The following NLK variants were observed in gnomAD, a reference collection of about 807,000 sequenced individuals.
NLK encodes nemo like kinase.
Under a neutral mutation model 59.0 loss-of-function variants are expected in NLK, and 11 were observed. The ratio of observed to expected loss-of-function variants is 0.19; its 90% CI spans 0.12 to 0.31. NLK has a LOEUF of 0.31. Ranked by LOEUF, NLK falls within the 10% of genes least tolerant of loss-of-function variation. NLK has a pLI of 1.00. For missense variants in NLK, 410 were observed against 661.1 expected, an observed-to-expected ratio of 0.62 and a Z score of 4.16; for synonymous variants, 235 against 235.9, an observed-to-expected ratio of 1.00 and a Z score of 0.03.
chr17:28,143,512 A>G (rs1362066333), intron 3 of NLK, among the ~76,000 whole-genome samples: 2 of 152,242 alleles, frequency 1.3e-5, no homozygotes, highest in Non-Finnish European at 1.5e-5. Context: ...GAAATAGTAA[A>G]GAGAGTTTAG....
chr17:28,110,431 G>T (rs571938340), intron 1 of NLK, among the ~76,000 whole-genome samples: 4 of 148,472 alleles, frequency 2.7e-5, no homozygotes, highest in Admixed American at 2.7e-4. Flanking sequence ...ATTGATGTTT[G>T]ACTATGAATT....
intron 1 of NLK, among the ~76,000 whole-genome samples, chr17:28,055,592 ACCTCAG>A (rs1444477588): frequency 6.6e-6 from 1 of 151,830 alleles, no homozygotes; most frequent in Non-Finnish European, 1.5e-5. Flanking sequence ...CAGTTCTCCC[ACCTCAG>A]CCTCCCAAGT....
At position 28,185,167 on chromosome 17, in the gene NLK, A is replaced by AT. The variant is rs1567740521; in HGVS notation, c.1150-6dup. ...ACTCACTTAAATATTTGAATTTTTA[A>AT]TTTTTTCACAGCCATCTCTTCCTGT... is the stretch of plus-strand genomic sequence containing the variant. On this transcript the variant is annotated splice_polypyrimidine_tract_variant and intron_variant, in intron 7 of 10. Transcript: ENST00000407008. 1 of 1,516,344 alleles carries AT rather than the reference A, an allele frequency of 6.6e-7. No homozygotes were observed. Among genetic ancestry groups the AT allele is most frequent in the African/African-American group, 1.4e-5 (1 of 71,832 alleles). The allele number at this position is 1,516,344 out of a possible 1,614,324, so 93.9% of individuals were successfully genotyped here.
At chr17:28,175,479 A>G (rs931570102) in intron 7 of NLK, among the ~76,000 whole-genome samples, 1 of 152,034 alleles carries the variant, frequency 6.6e-6, no homozygotes, top group African/African-American at 2.4e-5. Flanking sequence ...TGTAGTGTCA[A>G]TCTCAGTTTC....
chr17:28,046,774 T>A (rs1007645033), intron 1 of NLK, among the ~76,000 whole-genome samples: 2 of 152,154 alleles, frequency 1.3e-5, no homozygotes, highest in Non-Finnish European at 2.9e-5. Context: ...GTTTTTGACA[T>A]TGGCAACTTA....
chr17:28,101,262 G>A (rs914690206), intron 1 of NLK, among the ~76,000 whole-genome samples: 2 of 152,072 alleles, frequency 1.3e-5, no homozygotes, highest in African/African-American at 4.8e-5. Context: ...TAGGTCCTTT[G>A]TCTTTACATA....
At chr17:28,132,529 A>G (rs1307411384) in intron 2 of NLK, 91 bp from the exon 3 acceptor site, 36 of 919,556 alleles carry the variant, frequency 3.9e-5, no homozygotes, top group Non-Finnish European at 6.2e-5. Context: ...GCTTTAAAGC[A>G]TTAAAGAGTT....
chr17:28,109,096 G>T lies in NLK; in HGVS notation c.459-13507G>T, dbSNP rs191044040. ...TGAGGCAGGAGAATGGCATGAACCT[G>T]GGAGGCGGAGCTTGCAGTGAGCCAA... On this transcript the variant is annotated intron_variant, in intron 1 of 10. Coordinates refer to ENST00000407008, the MANE Select transcript of NLK (RefSeq NM_016231.5). 2.5e-3 allele frequency among the ~76,000 whole-genome samples: 383 copies of T among 152,216 alleles called. 5 individuals are homozygous for T. Among genetic ancestry groups the T allele is most frequent in the African/African-American group, 8.6e-3 (355 of 41,512 alleles).
intron 1 of NLK, among the ~76,000 whole-genome samples, chr17:28,121,789 G>A (rs1906073818): frequency 6.6e-6 from 1 of 152,030 alleles, no homozygotes; most frequent in Admixed American, 6.6e-5. Context: ...ATGAGCCACT[G>A]AGCCTGGCCT....
intron 1 of NLK, among the ~76,000 whole-genome samples, chr17:28,043,556 A>G (rs1325067373): frequency 3.3e-5 from 5 of 152,212 alleles, no homozygotes; most frequent in Non-Finnish European, 5.9e-5. Flanking sequence ...AACACACATA[A>G]GTGTGCTGTC....
intron 1 of NLK, among the ~76,000 whole-genome samples, chr17:28,062,675 G>A (rs1233698508): frequency 6.6e-6 from 1 of 152,026 alleles, no homozygotes; most frequent in Non-Finnish European, 1.5e-5. Context: ...CTGCCTCCCG[G>A]GTTCAAGCGA....
At chr17:28,050,007 G>A (rs1909193289) in intron 1 of NLK, among the ~76,000 whole-genome samples, 1 of 152,128 alleles carries the variant, frequency 6.6e-6, no homozygotes, top group Non-Finnish European at 1.5e-5. Flanking sequence ...ATTTTCACTT[G>A]TTCTTACAAT....
chr17:28,151,974 T>C lies in NLK; in HGVS notation c.645-9186T>C, dbSNP rs1475271116. The stretch of plus-strand genomic sequence containing the variant: ...ACTTACCATTTGAAATCATGCTTTA[T>C]ATTCATTTTGAATACCTTTTCAGTT... On this transcript the variant is annotated intron_variant, in intron 3 of 10. Coordinates refer to ENST00000407008, the MANE Select transcript of NLK (RefSeq NM_016231.5). Among the ~76,000 whole-genome samples, 6 of 152,344 alleles carry C rather than the reference T, an allele frequency of 3.9e-5. No individual in the cohort carries two copies. In the East Asian group the frequency reaches 1.2e-3, roughly 29 times the overall value.
intron 1 of NLK, among the ~76,000 whole-genome samples, chr17:28,052,879 A>C (rs1329047955): frequency 6.9e-6 from 1 of 145,172 alleles, no homozygotes; most frequent in African/African-American, 2.5e-5. Flanking sequence ...CAGCATATTG[A>C]TCTCTGGTGT....
chr17:28,096,882 ATTC>A (rs1904719860), intron 1 of NLK, among the ~76,000 whole-genome samples: 1 of 152,202 alleles, frequency 6.6e-6, no homozygotes, highest in Non-Finnish European at 1.5e-5. Context: ...TAAGAGGTGT[ATTC>A]TTCTTCCAGT....
At chr17:28,073,044 TGTGA>T (rs894292362) in intron 1 of NLK, among the ~76,000 whole-genome samples, 9 of 152,066 alleles carry the variant, frequency 5.9e-5, no homozygotes, top group Non-Finnish European at 1.3e-4. Context: ...CCAGAGATGA[TGTGA>T]GTATCTAGTA....
chr17:28,061,788 AAT>A (rs1909649846), intron 1 of NLK, among the ~76,000 whole-genome samples: 1 of 146,320 alleles, frequency 6.8e-6, no homozygotes, highest in Non-Finnish European at 1.5e-5. Context: ...ATACATATAT[AAT>A]ATATACATAT....
intron 3 of NLK, among the ~76,000 whole-genome samples, chr17:28,160,523 C>T (rs974899679): frequency 1.3e-5 from 2 of 152,160 alleles, no homozygotes; most frequent in African/African-American, 2.4e-5. Context: ...GGCCATGTGT[C>T]CATTCAGCAA....
At position 28,046,738 on chromosome 17, in the gene NLK, G is replaced by C. The variant is rs112939949; in HGVS notation, c.458+3407G>C. Among the ~76,000 whole-genome samples the C allele has an allele frequency of 6.4e-3, 975 of 152,244 alleles. 14 individuals are homozygous for C. The highest frequency in any genetic ancestry group is 0.022 in the African/African-American group (910 of 41,558). On this transcript the variant is annotated intron_variant, in intron 1 of 10. Transcript: ENST00000407008. ...TGGAGGAAGTTGACCGCATGAGAGT[G>C]GTTTGAGGATCGCTGTGCCTAGACC...
Sources: gnomAD v4.1 joint callset for allele counts (sites outside exome capture counted in the v4.1 genomes callset) on GRCh38, gnomAD v4.1.1 for gene constraint, MANE v1.5 for transcripts, NCBI Gene and HGNC (gene_info 2026-07-23, HGNC 2026-07-21) for gene names.